SPATS2: variants seen among roughly 807,000 people sequenced by gnomAD.
SPATS2 encodes the protein spermatogenesis associated serine rich 2, also known as spermatogenesis-associated serine-rich protein 2.
A neutral mutation model predicts 63.7 loss-of-function variants in SPATS2; 38 were observed. That is an observed-to-expected ratio of 0.60 (90% CI 0.46 to 0.78). SPATS2 has a LOEUF of 0.78. Among genes scored for constraint, SPATS2 ranks in the 30% least tolerant of loss-of-function variants. The probability of loss-of-function intolerance (pLI) is 0.00; values close to 1 mark genes in which losing one functional copy is unlikely to be tolerated. For synonymous variants in SPATS2, 207 were observed against 232.9 expected (o/e 0.89, Z 1.01); for missense variants, 588 against 666.2 (o/e 0.88, Z 1.29).
intron 1 of SPATS2, among the ~76,000 whole-genome samples, chr12:49,370,473 AAT>A (rs1441856569): frequency 6.6e-6 from 1 of 152,198 alleles, no homozygotes; most frequent in Non-Finnish European, 1.5e-5. Flanking sequence ...TGTAGAATAT[AAT>A]TCAGCTTCCT....
intron 3 of SPATS2, among the ~76,000 whole-genome samples, chr12:49,466,143 C>A (rs891487216): frequency 6.6e-6 from 1 of 151,104 alleles, no homozygotes; most frequent in African/African-American, 2.4e-5. Flanking sequence ...AGTCTGTGAT[C>A]CTGTTTGAGT....
At chr12:49,513,227 G>A (rs1471324619) in intron 9 of SPATS2, among the ~76,000 whole-genome samples, 2 of 151,180 alleles carry the variant, frequency 1.3e-5, no homozygotes, top group African/African-American at 4.9e-5. Context: ...GTGTGTGTGT[G>A]TGTGTGTGTT....
chr12:49,375,373 A>G (rs904293238), intron 2 of SPATS2, among the ~76,000 whole-genome samples: 5 of 152,184 alleles, frequency 3.3e-5, no homozygotes, highest in East Asian at 1.9e-4. Flanking sequence ...GAAAAGACCA[A>G]TTTGTAAAAG....
chr12:49,375,803 T>C (rs1592337272), intron 2 of SPATS2, among the ~76,000 whole-genome samples: 2 of 152,162 alleles, frequency 1.3e-5, no homozygotes, highest in African/African-American at 4.8e-5. Flanking sequence ...AAGCCAGCCA[T>C]GTAGCTTAAA....
chr12:49,470,527 C>T (rs1483922933), intron 3 of SPATS2, among the ~76,000 whole-genome samples: 6 of 152,004 alleles, frequency 3.9e-5, no homozygotes, highest in African/African-American at 7.3e-5. Flanking sequence ...GGTTTTGGTA[C>T]AAATTAAAAC....
chr12:49,426,635 C>T (rs1483302204), intron 2 of SPATS2, among the ~76,000 whole-genome samples: 1 of 152,174 alleles, frequency 6.6e-6, no homozygotes, highest in Non-Finnish European at 1.5e-5. Flanking sequence ...GCTCCGCCTC[C>T]CGGGTACACG....
intron 9 of SPATS2, among the ~76,000 whole-genome samples, chr12:49,505,765 A>G (rs1946645093): frequency 6.6e-6 from 1 of 152,196 alleles, no homozygotes; most frequent in Non-Finnish European, 1.5e-5. Context: ...AGGTTAAGCA[A>G]TTTGCCTAAG....
intron 2 of SPATS2, among the ~76,000 whole-genome samples, chr12:49,453,973 C>T (rs1945672765): frequency 6.7e-6 from 1 of 149,328 alleles, no homozygotes; most frequent in South Asian, 2.1e-4. Flanking sequence ...CACCATTCTC[C>T]TGCCTCAGCC....
At chr12:49,451,636 G>A (rs1005901036) in intron 2 of SPATS2, among the ~76,000 whole-genome samples, 2 of 152,202 alleles carry the variant, frequency 1.3e-5, no homozygotes, top group African/African-American at 4.8e-5. Flanking sequence ...AAACTGTTGG[G>A]ATTACAGGCG....
chr12:49,462,454 A>G, intron 3 of SPATS2: 1 of 701,952 alleles, frequency 1.4e-6, no homozygotes, highest in South Asian at 1.5e-5. Context: ...TGGCTCTGCC[A>G]TTTGTGGACG....
chr12:49,435,618 GC>G (rs1008537054), intron 2 of SPATS2, among the ~76,000 whole-genome samples: 52 of 149,720 alleles, frequency 3.5e-4, no homozygotes, highest in Non-Finnish European at 6.1e-4. Context: ...GAGCCACCGT[GC>G]CCGGCTACTG....
intron 2 of SPATS2, among the ~76,000 whole-genome samples, chr12:49,413,892 G>T (rs1944841753): frequency 6.6e-6 from 1 of 152,114 alleles, no homozygotes; most frequent in Non-Finnish European, 1.5e-5. Flanking sequence ...AAAATGGGAG[G>T]AACACAGTCA....
chr12:49,429,313 A>G (rs1945137741), intron 2 of SPATS2, among the ~76,000 whole-genome samples: 1 of 152,188 alleles, frequency 6.6e-6, no homozygotes, highest in Non-Finnish European at 1.5e-5. Flanking sequence ...TTTCAAAATA[A>G]AATTTATGGT....
At chr12:49,466,137 T>C (rs1945910524) in intron 3 of SPATS2, among the ~76,000 whole-genome samples, 1 of 152,018 alleles carries the variant, frequency 6.6e-6, no homozygotes, top group South Asian at 2.1e-4. Context: ...TTTTAAAGTC[T>C]GTGATCCTGT....
chr12:49,459,628 G>A (rs1397578111), intron 2 of SPATS2, among the ~76,000 whole-genome samples: 2 of 151,354 alleles, frequency 1.3e-5, no homozygotes, highest in African/African-American at 4.9e-5. Context: ...GATTACAGGC[G>A]TGAGCCACTG....
intron 1 of SPATS2, among the ~76,000 whole-genome samples, chr12:49,370,448 T>C (rs957079063): frequency 1.3e-5 from 2 of 152,228 alleles, no homozygotes; most frequent in African/African-American, 4.8e-5. Context: ...CCATTCATTA[T>C]ATTACCAAAT....
At chr12:49,467,065 T>C (rs1945932195) in intron 3 of SPATS2, among the ~76,000 whole-genome samples, 1 of 143,586 alleles carries the variant, frequency 7.0e-6, no homozygotes, top group East Asian at 2.0e-4. Context: ...TTTTTTTTTT[T>C]TTTTTGATGG....
At chr12:49,389,605 T>G in intron 2 of SPATS2, 1 of 1,107,184 alleles carries the variant, frequency 9.0e-7, no homozygotes, top group South Asian at 1.2e-5. Context: ...AAACTCTGAT[T>G]GAGCAAACCA....
intron 4 of SPATS2, chr12:49,486,185 TTTGTTG>T (rs1002107618): frequency 2.2e-6 from 1 of 451,044 alleles, no homozygotes; most frequent in African/African-American, 2.0e-5. Context: ...TTTGGTGCCT[TTTGTTG>T]TTGTTGTTGT....
Sources: gnomAD v4.1 joint callset for allele counts (sites outside exome capture counted in the v4.1 genomes callset) on GRCh38, gnomAD v4.1.1 for gene constraint, MANE v1.5 for transcripts, NCBI Gene and HGNC (gene_info 2026-07-23, HGNC 2026-07-21) for gene names.